The following SYNGR4 variants were observed in gnomAD, a reference collection of about 807,000 sequenced individuals.
SYNGR4 encodes the protein synaptogyrin-4.
In SYNGR4, 15 loss-of-function variants were observed where a neutral mutation model predicts 15.5. That is an observed-to-expected ratio of 0.97 (90% CI 0.65 to 1.49). The LOEUF (loss-of-function observed/expected upper bound fraction) is 1.49, where lower values mean the gene tolerates loss of function less well. Among genes scored for constraint, SYNGR4 ranks in the 40% most tolerant of loss-of-function variants. The pLI is 0.00. For missense variants in SYNGR4, 292 were observed against 299.3 expected (o/e 0.98, Z 0.18); for synonymous variants, 121 against 127.4 (o/e 0.95, Z 0.34).
intron 3 of SYNGR4, among the ~76,000 whole-genome samples, chr19:48,375,032 T>TG (rs1970379863): frequency 6.6e-6 from 1 of 150,516 alleles, no homozygotes; most frequent in East Asian, 2.0e-4. Flanking sequence ...AACATTTTTT[T>TG]TTTTTTTTTT....
chr19:48,368,703 C>G (rs1970257052), intron 2 of SYNGR4, among the ~76,000 whole-genome samples: 2 of 147,052 alleles, frequency 1.4e-5, no homozygotes, highest in African/African-American at 5.5e-5. Context: ...ATTATCAAAA[C>G]AAATCATTAC....
At chr19:48,374,793 T>G (rs1244754133) in intron 3 of SYNGR4, among the ~76,000 whole-genome samples, 2 of 152,044 alleles carry the variant, frequency 1.3e-5, no homozygotes, top group African/African-American at 2.4e-5. Context: ...CTGGCCAACA[T>G]GGCGAAACCC....
At chr19:48,373,231 C>T (rs866404629) in intron 2 of SYNGR4, 1 of 443,298 alleles carries the variant, frequency 2.3e-6, no homozygotes, top group African/African-American at 2.0e-5. Context: ...GAAAGACTCC[C>T]CTGGGGCCAT....
intron 2 of SYNGR4, among the ~76,000 whole-genome samples, chr19:48,367,129 C>CAAA (rs757577850): frequency 4.6e-5 from 4 of 87,084 alleles, no homozygotes; most frequent in African/African-American, 1.7e-4. Flanking sequence ...GACTCTGTCT[C>CAAA]AAAAAAAAAA....
intron 2 of SYNGR4, among the ~76,000 whole-genome samples, chr19:48,371,267 C>T (rs1264087728): frequency 1.3e-5 from 2 of 152,212 alleles, no homozygotes; most frequent in African/African-American, 4.8e-5. Flanking sequence ...AGGTCCAGTT[C>T]AGAACTCACC....
chr19:48,372,372 G>A (rs1279750569), intron 2 of SYNGR4, among the ~76,000 whole-genome samples: 6 of 152,174 alleles, frequency 3.9e-5, no homozygotes, highest in Admixed American at 2.0e-4. Context: ...ATGGCCGGGC[G>A]TGGTGGCTCA....
At chr19:48,364,299 G>A (rs1488623892), upstream of SYNGR4, 4 of 278,126 alleles carry the variant, frequency 1.4e-5, no homozygotes, top group Non-Finnish European at 2.1e-5. Flanking sequence ...GAGGGGGCGG[G>A]ACTTGGGCGC....
At chr19:48,370,041 G>GAGGATGGACGGAAGCTCAGGAGTTT (rs1385490611) in intron 2 of SYNGR4, among the ~76,000 whole-genome samples, 6 of 152,216 alleles carry the variant, frequency 3.9e-5, no homozygotes, top group Non-Finnish European at 7.3e-5. Context: ...AAGGAGAAGG[G>GAGGATGGACGGAAGCTCAGGAGTTT]AGGATGGACG....
At chr19:48,373,791 C>T in intron 3 of SYNGR4, 37 bp downstream of exon 3, 1 of 1,601,132 alleles carries the variant, frequency 6.2e-7, no homozygotes. Flanking sequence ...AGCTGCCCCT[C>T]CTCCCGCTCA....
Position 48,373,700 on chromosome 19 carries a change from A to G in SYNGR4, c.277A>G (p.Ile93Val). ...CGTCCTGGACACACAGGAGACCCGCATTGCCGGCACCCGCTTCAAGACAGC... is the reference window on the plus strand; with the variant it reads ...CGTCCTGGACACACAGGAGACCCGCGTTGCCGGCACCCGCTTCAAGACAGC... ...FLVLDTQETR[I>V]AGTRFKTAFQ... Residue 93 changes from isoleucine (I) to valine (V), a missense_variant, in exon 3 of 5, where the codon ATT becomes GTT. Ile to Val is a conservative substitution (Grantham distance 29). Transcript: ENST00000344846. 6.2e-7 allele frequency: 1 copy of G among 1,613,936 alleles called. No individual in the cohort carries two copies. Among genetic ancestry groups the G allele is most frequent in the Non-Finnish European group, 8.5e-7 (1 of 1,180,016 alleles).
intron 1 of SYNGR4, 51 bp from the exon 2 acceptor site, chr19:48,365,685 C>T (rs1970203990): frequency 1.6e-6 from 1 of 637,166 alleles, no homozygotes; most frequent in Non-Finnish European, 2.6e-6. Flanking sequence ...CCCCAACAGC[C>T]CTTCCACCCC....
chr19:48,372,068 A>G (rs1970316384), intron 2 of SYNGR4, among the ~76,000 whole-genome samples: 1 of 151,736 alleles, frequency 6.6e-6, no homozygotes. Context: ...ATATTTTTGT[A>G]GAGACTGGGT....
chr19:48,369,363 C>T (rs1009105510), intron 2 of SYNGR4, among the ~76,000 whole-genome samples: 3 of 152,166 alleles, frequency 2.0e-5, no homozygotes, highest in Admixed American at 6.5e-5. Context: ...GTCCCGGGCT[C>T]ATGTCACAGC....
chr19:48,369,259 A>T (rs1240966302), intron 2 of SYNGR4, among the ~76,000 whole-genome samples: 1 of 151,504 alleles, frequency 6.6e-6, no homozygotes, highest in Admixed American at 6.6e-5. Context: ...CCCTAGGGAC[A>T]GGCCAGGGAG....
At chr19:48,366,609 T>C (rs1970225414) in intron 2 of SYNGR4, among the ~76,000 whole-genome samples, 1 of 151,566 alleles carries the variant, frequency 6.6e-6, no homozygotes, top group South Asian at 2.1e-4. Flanking sequence ...TTTCGCCATG[T>C]TGGCCAGGCT....
In SYNGR4 at chr19:48,375,749, C is replaced by T; in HGVS notation, c.468C>T (p.Val156=). The T allele has an allele frequency of 6.2e-7, 1 of 1,612,820 alleles. No individual in the cohort carries two copies. Among genetic ancestry groups the T allele is most frequent in the Non-Finnish European group, 8.5e-7 (1 of 1,179,076 alleles). Residue 156 remains valine (V), a synonymous_variant, in exon 4 of 5, where the codon GTC becomes GTT. Coordinates refer to ENST00000344846, the MANE Select transcript of SYNGR4 (RefSeq NM_012451.4). ...CCTTCACCTTCTTCTCCATCCTTGTCTGGGTGAGGACAAGCCCCTCCACCA... is the reference window on the plus strand; with the variant it reads ...CCTTCACCTTCTTCTCCATCCTTGTTTGGGTGAGGACAAGCCCCTCCACCA... ...AIAFTFFSIL[V]WIFQAYLAFQ...
chr19:48,368,468 T>A (rs1210391540), intron 2 of SYNGR4, among the ~76,000 whole-genome samples: 2 of 152,076 alleles, frequency 1.3e-5, no homozygotes, highest in African/African-American at 4.8e-5. Flanking sequence ...TCACTGCAAC[T>A]TTCGCCTCCT....
intron 3 of SYNGR4, 126 bp downstream of exon 3, chr19:48,373,880 G>T: frequency 1.1e-6 from 1 of 909,394 alleles, no homozygotes; most frequent in Non-Finnish European, 1.7e-6. Flanking sequence ...TGTCCTCCCA[G>T]TAGGAGGCAT....
chr19:48,365,277 A>ACCC (rs113410208), intron 1 of SYNGR4, among the ~76,000 whole-genome samples: 2 of 91,128 alleles, frequency 2.2e-5, no homozygotes, highest in Non-Finnish European at 4.1e-5. Flanking sequence ...CATTCCTGGG[A>ACCC]ACCCCCAGCA....
Sources: allele counts gnomAD v4.1 joint callset (sites outside exome capture counted in the v4.1 genomes callset), GRCh38; gene constraint gnomAD v4.1.1; transcripts MANE v1.5; gene names NCBI Gene and HGNC (gene_info 2026-07-23, HGNC 2026-07-21).